KAT2B: variants seen among roughly 807,000 people sequenced by gnomAD.
KAT2B encodes histone acetyltransferase KAT2B.
A neutral mutation model predicts 105.9 loss-of-function variants in KAT2B; 36 were observed. The ratio of observed to expected loss-of-function variants is 0.34; its 90% CI spans 0.26 to 0.45. The LOEUF is 0.45. Among genes scored for constraint, KAT2B ranks in the 20% least tolerant of loss-of-function variants. The probability of loss-of-function intolerance (pLI) is 1.00; values close to 1 mark genes in which losing one functional copy is unlikely to be tolerated. For missense variants in KAT2B, 820 were observed against 1,021.6 expected, an observed-to-expected ratio of 0.80 and a Z score of 2.69; for synonymous variants, 397 against 377.9, an observed-to-expected ratio of 1.05 and a Z score of -0.59.
chr3:20,084,771 A>G (rs1698584333), intron 2 of KAT2B, among the ~76,000 whole-genome samples: 1 of 152,190 alleles, frequency 6.6e-6, no homozygotes, highest in East Asian at 1.9e-4. Context: ...CAACAAGGGA[A>G]TGGGATGGGT....
chr3:20,045,416 T>A (rs886767065), intron 1 of KAT2B, among the ~76,000 whole-genome samples: 1 of 151,832 alleles, frequency 6.6e-6, no homozygotes, highest in African/African-American at 2.4e-5. Flanking sequence ...ACTGGCACGA[T>A]CATAGCTCAC....
In KAT2B at chr3:20,040,474, C is replaced by A. The variant is rs1575098543; in HGVS notation, c.-4C>A. ...CGGCGCCTCCTGCCGTGCTCCGGGG[C>A]GGCATGTCCGAGGCTGGCGGGGCCG... On this transcript the variant is annotated 5_prime_UTR_variant, in exon 1 of 18. Transcript: ENST00000263754. The A allele has an allele frequency of 5.6e-6, 6 of 1,063,776 alleles. No homozygotes were observed. The highest frequency in any genetic ancestry group is 6.6e-5 in the East Asian group (1 of 15,184). 65.9% of individuals were successfully genotyped at this position (1,063,776 alleles called of 1,614,324 possible). A position where few individuals can be genotyped will look rare whatever the true frequency, so the allele number is the denominator to read the frequency against.
Position 20,127,501 on chromosome 3 carries a change from A to T in KAT2B, c.1701A>T (p.Gly567=). 6.2e-7 allele frequency: 1 copy of T among 1,613,552 alleles called. No homozygotes were observed. Among genetic ancestry groups the T allele is most frequent in the Non-Finnish European group, 8.5e-7 (1 of 1,179,444 alleles). The change falls in exon 11 of 18, where the codon GGA becomes GGT. Residue 567 remains glycine (G), a synonymous_variant. Transcript: ENST00000263754. ...GICFRMFPSQ[G]FTEIVFCAVT... ...GTTTCCGTATGTTCCCATCTCAAGG[A>T]TTCACAGAGATTGTCTTCTGTGCTG...
intron 1 of KAT2B, among the ~76,000 whole-genome samples, chr3:20,048,801 C>G (rs1697860752): frequency 6.6e-6 from 1 of 152,176 alleles, no homozygotes; most frequent in African/African-American, 2.4e-5. Flanking sequence ...ACATTGGCTA[C>G]TCACACATGG....
At chr3:20,075,048 A>T (rs1390456770) in intron 2 of KAT2B, among the ~76,000 whole-genome samples, 2 of 152,086 alleles carry the variant, frequency 1.3e-5, no homozygotes, top group Non-Finnish European at 1.5e-5. Flanking sequence ...GGCAGATCAC[A>T]AGGTCAGGAG....
intron 11 of KAT2B, among the ~76,000 whole-genome samples, chr3:20,134,842 A>G (rs1463300854): frequency 6.6e-6 from 1 of 152,268 alleles, no homozygotes; most frequent in Admixed American, 6.5e-5. Context: ...TATTTAAAAA[A>G]GTGAAAAGAA....
At chr3:20,083,762 G>C (rs1039143836) in intron 2 of KAT2B, among the ~76,000 whole-genome samples, 1 of 152,152 alleles carries the variant, frequency 6.6e-6, no homozygotes. Context: ...AGTGGAGTCT[G>C]GTGGCTGGTA....
intron 1 of KAT2B, among the ~76,000 whole-genome samples, chr3:20,054,336 C>G (rs903028052): frequency 3.3e-5 from 5 of 151,938 alleles, no homozygotes; most frequent in African/African-American, 4.8e-5. Flanking sequence ...ACCATCTTGG[C>G]CAGGCTGGTC....
At chr3:20,058,365 G>T (rs1698036427) in intron 1 of KAT2B, among the ~76,000 whole-genome samples, 1 of 143,734 alleles carries the variant, frequency 7.0e-6, no homozygotes. Context: ...TGAGGCAGGA[G>T]AATTGCTTGA....
intron 7 of KAT2B, 32 bp from the exon 8 acceptor site, chr3:20,119,566 T>C (rs1699269784): frequency 1.2e-6 from 2 of 1,613,060 alleles, no homozygotes; most frequent in Non-Finnish European, 1.7e-6. Context: ...GAGTCAGTCA[T>C]CTAACACCTT....
At chr3:20,141,712 A>G (rs1699697010) in intron 13 of KAT2B, among the ~76,000 whole-genome samples, 1 of 150,868 alleles carries the variant, frequency 6.6e-6, no homozygotes, top group Non-Finnish European at 1.5e-5. Context: ...CATAGTAGTT[A>G]CTCATTAAGT....
At chr3:20,057,824 C>CA (rs1698026955) in intron 1 of KAT2B, among the ~76,000 whole-genome samples, 1 of 152,144 alleles carries the variant, frequency 6.6e-6, no homozygotes, top group Admixed American at 6.6e-5. Flanking sequence ...CCAGCATCTT[C>CA]AGAGAGCCTG....
intron 7 of KAT2B, among the ~76,000 whole-genome samples, chr3:20,117,936 G>A (rs187757144): frequency 6.6e-6 from 1 of 152,092 alleles, no homozygotes; most frequent in East Asian, 1.9e-4. Context: ...TACAAGAAGA[G>A]GACAAAGAAA....
Position 20,119,560 on chromosome 3 carries a change from C to G in KAT2B, c.1151-38C>G, listed in dbSNP as rs1014742072. 4 of 1,611,474 alleles carry G rather than the reference C, an allele frequency of 2.5e-6. No homozygotes were observed. The African/African-American group carries it at 5.3e-5, about 22-fold the overall frequency. ...GTTTCTTGTTACCTAAGAAAGGAGT[C>G]AGTCATCTAACACCTTCTTCTCCTT... On this transcript the variant is annotated intron_variant, in intron 7 of 17. Coordinates refer to ENST00000263754, the MANE Select transcript of KAT2B (RefSeq NM_003884.5).
rs898125947 is a variant in KAT2B, at chr3:20,058,995, T to G, written c.304-13338T>G. On this transcript the variant is annotated intron_variant, in intron 1 of 17. Coordinates refer to ENST00000263754, the MANE Select transcript of KAT2B (RefSeq NM_003884.5). ...ATCTCCAGGTGATTCCTGAGTAGAT[T>G]GGAGTTTGAGAAGCACTACTCCTAA... 2.6e-5 allele frequency among the ~76,000 whole-genome samples: 4 copies of G among 152,314 alleles called. No homozygotes were observed. In the South Asian group the frequency reaches 8.3e-4, roughly 32 times the overall value.
At chr3:20,125,088 C>T (rs1446929734) in intron 9 of KAT2B, among the ~76,000 whole-genome samples, 5 of 151,956 alleles carry the variant, frequency 3.3e-5, no homozygotes, top group Non-Finnish European at 5.9e-5. Flanking sequence ...TTTGGGAGGC[C>T]GAGGCGGGCA....
At chr3:20,130,782 T>G (rs1009090203) in intron 11 of KAT2B, among the ~76,000 whole-genome samples, 2 of 152,140 alleles carry the variant, frequency 1.3e-5, no homozygotes, top group African/African-American at 4.8e-5. Flanking sequence ...TGTAAGTGAC[T>G]TGAAACTGTA....
At chr3:20,120,445 C>G (rs917481418) in intron 8 of KAT2B, among the ~76,000 whole-genome samples, 5 of 152,058 alleles carry the variant, frequency 3.3e-5, no homozygotes, top group Non-Finnish European at 7.4e-5. Context: ...TCAGGCTGGT[C>G]TCAAACTCCT....
At chr3:20,117,564 G>A (rs769954271) in intron 7 of KAT2B, among the ~76,000 whole-genome samples, 1 of 152,206 alleles carries the variant, frequency 6.6e-6, no homozygotes, top group Non-Finnish European at 1.5e-5. Context: ...TGGCACTTTA[G>A]TATATTCTGA....
Sources: gnomAD v4.1 joint callset for allele counts (sites outside exome capture counted in the v4.1 genomes callset) on GRCh38, gnomAD v4.1.1 for gene constraint, MANE v1.5 for transcripts, NCBI Gene and HGNC (gene_info 2026-07-23, HGNC 2026-07-21) for gene names.